Variants in KCNIP1 observed in about 807,000 individuals in gnomAD.
KCNIP1 encodes the protein A-type potassium channel modulatory protein KCNIP1.
In KCNIP1, 18 loss-of-function variants were observed where a neutral mutation model predicts 33.0. That is an observed-to-expected ratio of 0.55 (90% CI 0.38 to 0.81). KCNIP1 has a LOEUF of 0.81. Among genes scored for constraint, KCNIP1 ranks in the 30% least tolerant of loss-of-function variants. KCNIP1 has a pLI of 0.00. For synonymous variants in KCNIP1, 93 were observed against 98.3 expected (o/e 0.95, Z 0.32); for missense variants, 238 against 271.6 (o/e 0.88, Z 0.87).
At chr5:170,563,431 C>G (rs1757102571) in intron 1 of KCNIP1, among the ~76,000 whole-genome samples, 1 of 152,188 alleles carries the variant, frequency 6.6e-6, no homozygotes, top group Admixed American at 6.5e-5. Context: ...ACAGGGCTTC[C>G]TCTCCCATCC....
At chr5:170,633,459 A>C (rs1760142073) in intron 1 of KCNIP1, among the ~76,000 whole-genome samples, 1 of 150,542 alleles carries the variant, frequency 6.6e-6, no homozygotes, top group South Asian at 2.1e-4. Context: ...GTCTGGGAGG[A>C]GAGCTTTTCA....
chr5:170,725,682 C>A (rs2113882832), intron 5 of KCNIP1, among the ~76,000 whole-genome samples: 1 of 152,150 alleles, frequency 6.6e-6, no homozygotes, highest in East Asian at 1.9e-4. Context: ...GTTTGTAACA[C>A]AAAGGATAAA....
At chr5:170,490,792 A>G (rs1757189484) in intron 1 of KCNIP1, among the ~76,000 whole-genome samples, 1 of 152,050 alleles carries the variant, frequency 6.6e-6, no homozygotes, top group South Asian at 2.1e-4. Flanking sequence ...CCTCTCCCCA[A>G]GCTCCCTAGG....
At chr5:170,733,608 G>A (rs1764284036) in intron 6 of KCNIP1, among the ~76,000 whole-genome samples, 1 of 152,194 alleles carries the variant, frequency 6.6e-6, no homozygotes, top group South Asian at 2.1e-4. Context: ...TCCAGAGCAA[G>A]TCTTTTGATT....
At chr5:170,441,296 GGTGCTTTGTAGAGAGGCTTT>G (rs1290977465) in intron 1 of KCNIP1, among the ~76,000 whole-genome samples, 2 of 152,254 alleles carry the variant, frequency 1.3e-5, no homozygotes, top group African/African-American at 2.4e-5. Flanking sequence ...GTGAGAACTT[GGTGCTTTGTAGAGAGGCTTT>G]GTGATTCAGA....
intron 1 of KCNIP1, among the ~76,000 whole-genome samples, chr5:170,627,477 A>C (rs1581415981): frequency 6.6e-6 from 1 of 152,290 alleles, no homozygotes; most frequent in South Asian, 2.1e-4. Context: ...TGCTTCCCAC[A>C]GTGCCCAGCT....
chr5:170,411,203 C>A (rs1334215796), intron 1 of KCNIP1, among the ~76,000 whole-genome samples: 2 of 152,170 alleles, frequency 1.3e-5, no homozygotes, highest in Non-Finnish European at 2.9e-5. Flanking sequence ...TGCTACAGCT[C>A]CTTGGTAGCA....
intron 1 of KCNIP1, among the ~76,000 whole-genome samples, chr5:170,496,014 G>A (rs1055209060): frequency 2.6e-5 from 4 of 152,266 alleles, no homozygotes; most frequent in African/African-American, 7.2e-5. Context: ...GGCCGTGCAG[G>A]GTCAGGGGCA....
intron 1 of KCNIP1, among the ~76,000 whole-genome samples, chr5:170,453,526 G>A (rs1162703297): frequency 3.3e-5 from 5 of 152,188 alleles, no homozygotes; most frequent in African/African-American, 4.8e-5. Context: ...ACTCCAACAC[G>A]ACTAGTGGAC....
intron 1 of KCNIP1, among the ~76,000 whole-genome samples, chr5:170,560,023 G>T (rs1201185147): frequency 6.6e-6 from 1 of 152,212 alleles, no homozygotes; most frequent in Non-Finnish European, 1.5e-5. Context: ...TAAGTTTGGG[G>T]CTAGGGGATT....
intron 1 of KCNIP1, among the ~76,000 whole-genome samples, chr5:170,382,486 C>A (rs1380969011): frequency 6.6e-6 from 1 of 152,154 alleles, no homozygotes; most frequent in East Asian, 1.9e-4. Flanking sequence ...GCTGCATACA[C>A]CCCATCATGG....
At chr5:170,579,230 A>G (rs948433857) in intron 1 of KCNIP1, among the ~76,000 whole-genome samples, 2 of 152,226 alleles carry the variant, frequency 1.3e-5, no homozygotes, top group Admixed American at 6.5e-5. Flanking sequence ...CTAGTCCTAC[A>G]TCTAGATGTA....
Position 170,479,122 on chromosome 5 carries a change from C to T in KCNIP1, c.88+125158C>T, listed in dbSNP as rs73803716. On this transcript the variant is annotated intron_variant, in intron 1 of 7. Coordinates refer to the KCNIP1 transcript ENST00000377360. ...CTAAGAGAACTAGGGGCTTGTATTT[C>T]TAAGATGTCACTAGCTGGAGGCGCT... Among the ~76,000 whole-genome samples the T allele has an allele frequency of 2.5e-3, 375 of 152,324 alleles. 1 individual carries two copies. Among genetic ancestry groups the T allele is most frequent in the African/African-American group, 8.5e-3 (352 of 41,562 alleles).
chr5:170,356,951 A>G (rs571291127), intron 1 of KCNIP1, among the ~76,000 whole-genome samples: 46 of 152,266 alleles, frequency 3.0e-4, no homozygotes, highest in South Asian at 8.3e-4. Context: ...GCCTCCAGCC[A>G]CGTAAAACAT....
chr5:170,727,010 A>T (rs952589071), intron 5 of KCNIP1, among the ~76,000 whole-genome samples: 18 of 152,358 alleles, frequency 1.2e-4, no homozygotes, highest in African/African-American at 4.3e-4. Flanking sequence ...AAAGATGTTC[A>T]TAGCAGCTTT....
chr5:170,440,813 AC>A (rs1755970788), intron 1 of KCNIP1, among the ~76,000 whole-genome samples: 1 of 152,084 alleles, frequency 6.6e-6, no homozygotes, highest in African/African-American at 2.4e-5. Flanking sequence ...CGATGTACAA[AC>A]CTGTAAGCTG....
At chr5:170,410,401 C>T (rs1581165900) in intron 1 of KCNIP1, among the ~76,000 whole-genome samples, 1 of 152,032 alleles carries the variant, frequency 6.6e-6, no homozygotes, top group African/African-American at 2.4e-5. Context: ...GTATTGCAGA[C>T]ACAGCATGGG....
chr5:170,445,991 A>G (rs6877607), intron 1 of KCNIP1, among the ~76,000 whole-genome samples: 78,470 of 152,110 alleles, frequency 0.52, 20,595 homozygotes, highest in African/African-American at 0.62. Context: ...TCTCTGTTTC[A>G]TTCAGTCCTT....
intron 1 of KCNIP1, among the ~76,000 whole-genome samples, chr5:170,558,156 G>C (rs1039470801): frequency 6.6e-6 from 1 of 152,044 alleles, no homozygotes; most frequent in Non-Finnish European, 1.5e-5. Flanking sequence ...CCCCTCCCCA[G>C]GTAATGTGAC....
Sources: gnomAD v4.1 joint callset for allele counts (sites outside exome capture counted in the v4.1 genomes callset) on GRCh38, gnomAD v4.1.1 for gene constraint, MANE v1.5 for transcripts, NCBI Gene and HGNC (gene_info 2026-07-23, HGNC 2026-07-21) for gene names.